WDPCP: variants seen among roughly 807,000 people sequenced by gnomAD.
The protein encoded by WDPCP is WD repeat containing planar cell polarity effector, also known as WD repeat-containing and planar cell polarity effector protein fritz homolog.
Under a neutral mutation model 93.1 loss-of-function variants are expected in WDPCP, and 71 were observed. The ratio of observed to expected loss-of-function variants is 0.76; its 90% CI spans 0.63 to 0.93. WDPCP has a LOEUF of 0.93. Among genes scored for constraint, WDPCP ranks in the 40% least tolerant of loss-of-function variants. The pLI is 0.00. For missense variants in WDPCP, 844 were observed against 887.4 expected (o/e 0.95, Z 0.62); for synonymous variants, 315 against 315.0 (o/e 1.00, Z 0.00).
chr2:63,519,029 A>C (rs1702743944), intron 1 of WDPCP: 1 of 149,408 alleles, frequency 6.7e-6, no homozygotes, highest in Admixed American at 6.7e-5. Context: ...CCACTGTACC[A>C]CCACTGTCAG....
At chr2:63,424,492 A>C (rs1696113005) in intron 9 of WDPCP, among the ~76,000 whole-genome samples, 1 of 152,078 alleles carries the variant, frequency 6.6e-6, no homozygotes, top group East Asian at 1.9e-4. Context: ...GTGTGTACAT[A>C]GCACAGCCTC....
chr2:63,684,643 G>A, intron 2 of WDPCP: 2 of 697,330 alleles, frequency 2.9e-6, no homozygotes, highest in South Asian at 1.4e-5. Flanking sequence ...CCTGACGAGA[G>A]GTCAAGGTCA....
At chr2:63,590,808 ACT>A, upstream of WDPCP, 2 of 151,974 alleles carry the variant, frequency 1.3e-5, no homozygotes, top group South Asian at 4.2e-4. Context: ...CTGACAGCAA[ACT>A]CACACATGAC....
At chr2:63,554,610 G>A (rs1008421268) in intron 1 of WDPCP, among the ~76,000 whole-genome samples, 5 of 151,540 alleles carry the variant, frequency 3.3e-5, no homozygotes, top group East Asian at 1.9e-4. Context: ...CCAAGATTGC[G>A]CCATTGCTCT....
At chr2:63,351,232 T>C (rs770731931) in intron 12 of WDPCP, among the ~76,000 whole-genome samples, 16 of 152,248 alleles carry the variant, frequency 1.1e-4, no homozygotes, top group Middle Eastern at 3.4e-3. Context: ...TCCATCCACC[T>C]CGGCCTCCCA....
chr2:63,698,701 A>G (rs1668997229), intron 2 of WDPCP, among the ~76,000 whole-genome samples: 1 of 152,328 alleles, frequency 6.6e-6, no homozygotes, highest in Non-Finnish European at 1.5e-5. Context: ...AACACCTGAG[A>G]TGACTTTTAT....
intron 14 of WDPCP, among the ~76,000 whole-genome samples, chr2:63,207,957 C>T (rs1190149919): frequency 1.3e-5 from 2 of 152,102 alleles, no homozygotes; most frequent in South Asian, 4.1e-4. Context: ...TTTAAATTCT[C>T]TAGTTATCAT....
At chr2:63,134,359 A>G (rs910903338) in intron 17 of WDPCP, among the ~76,000 whole-genome samples, 1 of 152,220 alleles carries the variant, frequency 6.6e-6, no homozygotes, top group African/African-American at 2.4e-5. Context: ...ATAGATCACA[A>G]TTATGATCAA....
chr2:63,487,168 A>G (rs1301589154), intron 3 of WDPCP, among the ~76,000 whole-genome samples: 1 of 152,002 alleles, frequency 6.6e-6, no homozygotes, highest in Non-Finnish European at 1.5e-5. Flanking sequence ...CTCTACTGGG[A>G]CACTGATAAA....
intron 6 of WDPCP, among the ~76,000 whole-genome samples, chr2:63,470,683 T>C (rs1243753998): frequency 6.6e-6 from 1 of 152,192 alleles, no homozygotes; most frequent in Non-Finnish European, 1.5e-5. Flanking sequence ...AATTGAAACA[T>C]ATTTCTCCAC....
intron 17 of WDPCP, among the ~76,000 whole-genome samples, chr2:63,123,479 A>G (rs1365827516): frequency 2.0e-5 from 3 of 152,106 alleles, no homozygotes; most frequent in Non-Finnish European, 4.4e-5. Flanking sequence ...TTAAAAAGTA[A>G]GAATCATAGA....
intron 13 of WDPCP, among the ~76,000 whole-genome samples, chr2:63,263,424 G>A (rs1681824943): frequency 6.6e-6 from 1 of 152,128 alleles, no homozygotes; most frequent in Non-Finnish European, 1.5e-5. Flanking sequence ...TCAAAAAAAT[G>A]GGTTTGTTGT....
At chr2:63,802,712 T>C (rs1017021299) in intron 2 of WDPCP, among the ~76,000 whole-genome samples, 5 of 152,208 alleles carry the variant, frequency 3.3e-5, no homozygotes, top group Non-Finnish European at 5.9e-5. Context: ...GTCTATATTA[T>C]TGTTAGTCTA....
chr2:63,632,268 C>G (rs1434611881), intron 3 of WDPCP, among the ~76,000 whole-genome samples: 2 of 152,044 alleles, frequency 1.3e-5, no homozygotes, highest in African/African-American at 4.8e-5. Flanking sequence ...AGAACAACAA[C>G]AACAACAAAA....
intron 14 of WDPCP, among the ~76,000 whole-genome samples, chr2:63,195,626 A>AT (rs1327674651): frequency 3.3e-5 from 5 of 152,010 alleles, no homozygotes; most frequent in Admixed American, 6.6e-5. Context: ...ACAGACATAG[A>AT]TTTTTTCAAC....
intron 1 of WDPCP, among the ~76,000 whole-genome samples, chr2:63,568,937 G>T (rs1318595579): frequency 6.6e-6 from 1 of 152,178 alleles, no homozygotes. Context: ...GTTAGCACAG[G>T]TCTTTGAACA....
At chr2:63,782,418 A>C (rs1488965905) in intron 2 of WDPCP, among the ~76,000 whole-genome samples, 1 of 152,186 alleles carries the variant, frequency 6.6e-6, no homozygotes, top group East Asian at 1.9e-4. Context: ...CTATGTATCC[A>C]ACAAGGTACT....
At chr2:63,605,956 G>A (rs1709519298) in intron 3 of WDPCP, 1 of 1,613,912 alleles carries the variant, frequency 6.2e-7, no homozygotes, top group Non-Finnish European at 8.5e-7. Context: ...TTGTGTCCAT[G>A]GGTGTTATCT....
chr2:63,545,613 T>A (rs1239995445), intron 1 of WDPCP, among the ~76,000 whole-genome samples: 1 of 152,064 alleles, frequency 6.6e-6, no homozygotes, highest in East Asian at 1.9e-4. Flanking sequence ...AGGTATGATT[T>A]ATATAATTTG....
Sources: gnomAD v4.1 joint callset for allele counts (sites outside exome capture counted in the v4.1 genomes callset) on GRCh38, gnomAD v4.1.1 for gene constraint, MANE v1.5 for transcripts, NCBI Gene and HGNC (gene_info 2026-07-23, HGNC 2026-07-21) for gene names.